Variants in DYNC1H1 observed in about 807,000 individuals in gnomAD.
The protein encoded by DYNC1H1 is dynein cytoplasmic 1 heavy chain 1.
Under a neutral mutation model 527.1 loss-of-function variants are expected in DYNC1H1, and 51 were observed. The ratio of observed to expected loss-of-function variants is 0.10; its 90% CI spans 0.08 to 0.12. The LOEUF is 0.12. Ranked by LOEUF, DYNC1H1 falls within the 10% of genes least tolerant of loss-of-function variation. The probability of loss-of-function intolerance (pLI) is 1.00; values close to 1 mark genes in which losing one functional copy is unlikely to be tolerated. For synonymous variants in DYNC1H1, 2,189 were observed against 2,278.8 expected (o/e 0.96, Z 1.12); for missense variants, 2,771 against 5,971.8 (o/e 0.46, Z 17.66).
At chr14:101,967,729 A>C (rs59256013) in intron 1 of DYNC1H1, among the ~76,000 whole-genome samples, 31,406 of 152,048 alleles carry the variant, frequency 0.21, 4,558 homozygotes, top group African/African-American at 0.41. Flanking sequence ...AGTTCCAGCT[A>C]CTTGAGAAAA....
In DYNC1H1 at chr14:102,002,096, G is replaced by C. The variant is rs1429893719; in HGVS notation, c.4542+415G>C. On this transcript the variant is annotated intron_variant, in intron 21 of 77. Coordinates refer to ENST00000360184, the MANE Select transcript of DYNC1H1 (RefSeq NM_001376.5). This position sits in a 1 kb window ranked among gnomAD's most constrained non-coding sequence, Gnocchi z 4.4. ...TCAATACTTGTTTTTTTGTTTGTTT[G>C]CTTGCTTTTTTGTTTTTTTTTTTTC... Among the ~76,000 whole-genome samples, 1 of 150,584 alleles carries C rather than the reference G, an allele frequency of 6.6e-6. No homozygotes were observed. Among genetic ancestry groups the C allele is most frequent in the Non-Finnish European group, 1.5e-5 (1 of 67,696 alleles).
chr14:102,016,585 C>T lies in DYNC1H1; in HGVS notation c.7614+96C>T. On this transcript the variant is annotated intron_variant, in intron 37 of 77. Transcript: ENST00000360184. This position sits in a 1 kb window ranked among gnomAD's most constrained non-coding sequence, Gnocchi z 7.3. ...ACCATGGACCTTGGCTTCGTCTTTT[C>T]ATTTTATTCCATTTCATAGAAGGAC... 6.2e-7 allele frequency: 1 copy of T among 1,604,098 alleles called. No individual in the cohort carries two copies. Among genetic ancestry groups the T allele is most frequent in the East Asian group, 2.2e-5 (1 of 44,834 alleles).
chr14:102,032,640 C>G lies in DYNC1H1; in HGVS notation c.10079+173C>G. 8.1e-6 allele frequency: 7 copies of G among 867,048 alleles called. No homozygotes were observed. In the South Asian group the frequency reaches 9.3e-5, roughly 12 times the overall value. 53.7% of individuals were successfully genotyped at this position (867,048 alleles called of 1,614,324 possible). The stretch of plus-strand genomic sequence containing the variant: ...GCTGAGGCAGGTGAAGTGCTTGAGC[C>G]TAGGAGTTAGAGACCAACCTGGGCT... On this transcript the variant is annotated intron_variant, in intron 52 of 77. Transcript: ENST00000360184.
rs1302015353 is a variant in DYNC1H1, at chr14:102,049,088, C to G, written c.13373-352C>G. Reference sequence around the variant, plus strand: ...AGTTGTGGGGAGCCCCCAGCATCCTCCTGTTTGCCCCAAAAGCCCTAATTG... The same window carrying G: ...AGTTGTGGGGAGCCCCCAGCATCCTGCTGTTTGCCCCAAAAGCCCTAATTG... On this transcript the variant is annotated intron_variant, in intron 74 of 77. Transcript: ENST00000360184. The surrounding 1 kb of genome is among the most constrained non-coding windows in gnomAD (Gnocchi z 5.5). The G allele has an allele frequency of 2.3e-6, 1 of 431,448 alleles. No homozygotes were observed. The highest frequency in any genetic ancestry group is 2.0e-5 in the African/African-American group (1 of 49,694). 26.7% of individuals were successfully genotyped at this position (431,448 alleles called of 1,614,324 possible).
chr14:102,011,631 A>G lies in DYNC1H1; in HGVS notation c.6619-244A>G, dbSNP rs560137708. On this transcript the variant is annotated intron_variant, in intron 32 of 77. Coordinates refer to ENST00000360184, the MANE Select transcript of DYNC1H1 (RefSeq NM_001376.5). The surrounding 1 kb of genome is among the most constrained non-coding windows in gnomAD (Gnocchi z 5.3). Reference sequence around the variant, plus strand: ...TAATAATCCATAGATAGGCGCTTGTAAAGCCAGCTACTTGGGAGAGTGAGG... The same window carrying G: ...TAATAATCCATAGATAGGCGCTTGTGAAGCCAGCTACTTGGGAGAGTGAGG... 11 of 528,370 alleles carry G rather than the reference A, an allele frequency of 2.1e-5. No homozygotes were observed. In the East Asian group the frequency reaches 3.4e-4, roughly 16 times the overall value. The allele number at this position is 528,370 out of a possible 1,614,324, so 32.7% of individuals were successfully genotyped here.
Position 101,981,269 on chromosome 14 carries a change from A to G in DYNC1H1, c.961+719A>G, listed in dbSNP as rs551755462. On this transcript the variant is annotated intron_variant, in intron 5 of 77. Transcript: ENST00000360184. Reference sequence around the variant, plus strand: ...CACCCAAGTAGCTGGGACTACAGGGATGTACCACCATGTCCAACTAATTTT... The same window carrying G: ...CACCCAAGTAGCTGGGACTACAGGGGTGTACCACCATGTCCAACTAATTTT... 3.9e-5 allele frequency among the ~76,000 whole-genome samples: 6 copies of G among 152,182 alleles called. No homozygotes were observed. In the East Asian group the frequency reaches 9.7e-4, roughly 25 times the overall value.
At chr14:102,032,740 C>T (rs2048523964) in intron 52 of DYNC1H1, 1 of 573,036 alleles carries the variant, frequency 1.7e-6, no homozygotes, top group South Asian at 2.0e-5. Context: ...GTAGTCCTAG[C>T]TACTTGGGAG....
intron 2 of DYNC1H1, among the ~76,000 whole-genome samples, chr14:101,977,879 AGTTTTTTGG>A (rs1424844073): frequency 6.6e-6 from 1 of 152,182 alleles, no homozygotes; most frequent in Non-Finnish European, 1.5e-5. Context: ...AGTTATATGA[AGTTTTTTGG>A]GTTGTTTGTT....
Position 101,988,843 on chromosome 14 carries a change from A to G in DYNC1H1, c.2859A>G (p.Pro953=). ...TTAGTCACAAGCCTGGTGGAGAGCC[A>G]AAGATCAAAGTGAGTGCTTCTGTGG... ...PQVSHKPGGE[P]KIKNVVHELR... The change falls in exon 10 of 78, where the codon CCA becomes CCG. Residue 953 remains proline, a synonymous_variant. Coordinates refer to ENST00000360184, the MANE Select transcript of DYNC1H1 (RefSeq NM_001376.5). 6.2e-7 allele frequency: 1 copy of G among 1,614,220 alleles called. No homozygotes were observed. The highest frequency in any genetic ancestry group is 8.5e-7 in the Non-Finnish European group (1 of 1,180,038).
chr14:102,016,623 G>T lies in DYNC1H1; in HGVS notation c.7614+134G>T. 1 of 1,560,838 alleles carries T rather than the reference G, an allele frequency of 6.4e-7. No individual in the cohort carries two copies. Among genetic ancestry groups the T allele is most frequent in the Non-Finnish European group, 8.8e-7 (1 of 1,139,812 alleles). On this transcript the variant is annotated intron_variant, in intron 37 of 77. Coordinates refer to ENST00000360184, the MANE Select transcript of DYNC1H1 (RefSeq NM_001376.5). This position sits in a 1 kb window ranked among gnomAD's most constrained non-coding sequence, Gnocchi z 7.3. ...TTCATAGAAGGACTTTATCCTTTTA[G>T]TTCCATGTGTTAGCAAAGAGTGCAG... is the stretch of plus-strand genomic sequence containing the variant.
chr14:102,003,426 T>C (rs913804209), intron 23 of DYNC1H1, among the ~76,000 whole-genome samples: 13 of 152,058 alleles, frequency 8.5e-5, no homozygotes, highest in Admixed American at 2.6e-4. Context: ...CACACCCGGC[T>C]AATTTTTATA....
At position 102,029,624 on chromosome 14, in the gene DYNC1H1, A is replaced by G. The variant is rs1311056505; in HGVS notation, c.9554A>G (p.Asn3185Ser). Reference protein sequence around the residue: ...HYLDFINHYANLFHEKRSELE... With the variant: ...HYLDFINHYASLFHEKRSELE... ...CTGGACTTCATCAATCACTATGCCA[A>G]CCTGTTCCACGAGAAGCGGAGCGAG... The change falls in exon 49 of 78, where the codon AAC becomes AGC. Residue 3185 changes from asparagine (N) to serine (S), a missense_variant. By Grantham distance (46) the Asn-to-Ser change is conservative. This residue lies in a region of DYNC1H1 where 67 missense variants were observed against 128.2 expected (regional missense o/e 0.52). Transcript: ENST00000360184. This position sits in a 1 kb window ranked among gnomAD's most constrained non-coding sequence, Gnocchi z 5.3. 6.2e-6 allele frequency: 10 copies of G among 1,614,108 alleles called. No individual in the cohort carries two copies. The highest frequency in any genetic ancestry group is 2.2e-5 in the East Asian group (1 of 44,892).
intron 23 of DYNC1H1, among the ~76,000 whole-genome samples, chr14:102,003,760 CTACAAAAA>C (rs975952166): frequency 6.6e-6 from 1 of 151,310 alleles, no homozygotes; most frequent in Admixed American, 6.6e-5. Context: ...AACCCTGTCT[CTACAAAAA>C]TACAAAAATT....
At chr14:102,028,854 T>A (rs2048479660) in intron 48 of DYNC1H1, 1 of 161,270 alleles carries the variant, frequency 6.2e-6, no homozygotes, top group Non-Finnish European at 1.4e-5. Context: ...AGTGCTGCCA[T>A]TGTAGGGCAA....
In DYNC1H1 at chr14:102,042,148, T is replaced by G; in HGVS notation, c.12214+24T>G. 1 of 1,613,840 alleles carries G rather than the reference T, an allele frequency of 6.2e-7. No homozygotes were observed. The highest frequency in any genetic ancestry group is 8.5e-7 in the Non-Finnish European group (1 of 1,179,828). On this transcript the variant is annotated intron_variant, in intron 66 of 77. Coordinates refer to ENST00000360184, the MANE Select transcript of DYNC1H1 (RefSeq NM_001376.5). The surrounding 1 kb of genome is among the most constrained non-coding windows in gnomAD (Gnocchi z 5.7). ...CGGTAAGGATGCTTGAGGGGCTTCA[T>G]GGGCTGGAGCCCTGCAGGATTTGTG...
At chr14:102,043,788 TA>T (rs2152597393) in intron 69 of DYNC1H1, 86 bp from the exon 70 acceptor site, 2 of 1,593,580 alleles carry the variant, frequency 1.3e-6, no homozygotes, top group Non-Finnish European at 1.7e-6. Context: ...GAGCTCTTTG[TA>T]AAGCTTTGAC....
intron 15 of DYNC1H1, among the ~76,000 whole-genome samples, chr14:101,995,862 A>G (rs944581309): frequency 4.6e-5 from 7 of 151,802 alleles, no homozygotes; most frequent in Non-Finnish European, 1.0e-4. Context: ...GGAGTTTGAG[A>G]CCAGCCTGGC....
chr14:102,001,592 C>A lies in DYNC1H1; in HGVS notation c.4453C>A (p.Arg1485Ser). The A allele has an allele frequency of 1.2e-6, 2 of 1,614,086 alleles. No homozygotes were observed. Among genetic ancestry groups the A allele is most frequent in the Non-Finnish European group, 1.7e-6 (2 of 1,180,004 alleles). Residue 1485 changes from arginine (R) to serine (S), a missense_variant, in exon 21 of 78, where the codon CGC (arginine) becomes AGC (serine). This residue lies in a region of DYNC1H1 where 223 missense variants were observed against 462.5 expected (regional missense o/e 0.48). Transcript: ENST00000360184. This position sits in a 1 kb window ranked among gnomAD's most constrained non-coding sequence, Gnocchi z 5.0. ...CTTGGTTAATTATCAGAACAAGTGCCGCTTGATCCGTGGCTGGGATGACCT... is the reference window on the plus strand; with the variant it reads ...CTTGGTTAATTATCAGAACAAGTGCAGCTTGATCCGTGGCTGGGATGACCT... ...LDLVNYQNKC[R>S]LIRGWDDLFN...
At position 101,979,167 on chromosome 14, in the gene DYNC1H1, G is replaced by A; in HGVS notation, c.345-152G>A. 2 of 741,876 alleles carry A rather than the reference G, an allele frequency of 2.7e-6. No individual in the cohort carries two copies. The highest frequency in any genetic ancestry group is 5.4e-5 in the East Asian group (2 of 36,776). 46.0% of individuals were successfully genotyped at this position (741,876 alleles called of 1,614,324 possible). A position where few individuals can be genotyped will look rare whatever the true frequency, so the allele number is the denominator to read the frequency against. ...GTTCACATTCTGTAACCATAACCTT[G>A]ATTCAGTAGCTCTCATGTACTAAAG... On this transcript the variant is annotated intron_variant, in intron 2 of 77. Transcript: ENST00000360184. This position sits in a 1 kb window ranked among gnomAD's most constrained non-coding sequence, Gnocchi z 4.6.
Sources: allele counts gnomAD v4.1 joint callset (sites outside exome capture counted in the v4.1 genomes callset), GRCh38; gene constraint gnomAD v4.1.1; regional missense constraint gnomAD v4.1.1; non-coding constraint Gnocchi (gnomAD v3.1); transcripts MANE v1.5; gene names NCBI Gene and HGNC (gene_info 2026-07-23, HGNC 2026-07-21).